Variants in NLGN1 observed in about 807,000 individuals in gnomAD.
NLGN1 encodes the protein neuroligin-1.
A neutral mutation model predicts 65.5 loss-of-function variants in NLGN1; 12 were observed. The observed-to-expected ratio is 0.18, with a 90% CI of 0.12 to 0.30. The LOEUF (loss-of-function observed/expected upper bound fraction) is 0.30. Ranked by LOEUF, NLGN1 falls within the 10% of genes least tolerant of loss-of-function variation. The pLI is 1.00. For synonymous variants in NLGN1, 350 were observed against 359.5 expected, an observed-to-expected ratio of 0.97 and a Z score of 0.30; for missense variants, 750 against 1,007.1, an observed-to-expected ratio of 0.74 and a Z score of 3.46.
In NLGN1 at chr3:174,175,070, T is replaced by C. The variant is rs76518412; in HGVS notation, c.647-100245T>C. Among the ~76,000 whole-genome samples the C allele has an allele frequency of 1.7e-3, 259 of 152,146 alleles. 1 individual carries two copies. Among genetic ancestry groups the C allele is most frequent in the African/African-American group, 6.0e-3 (248 of 41,564 alleles). ...AAAACTTGTTTTGTGACTTAACACATAGTCTATCTTTGGGAATGATCCATG... is the reference window on the plus strand; with the variant it reads ...AAAACTTGTTTTGTGACTTAACACACAGTCTATCTTTGGGAATGATCCATG... On this transcript the variant is annotated intron_variant, in intron 4 of 6. Coordinates refer to ENST00000457714, the Ensembl canonical transcript of NLGN1.
chr3:173,946,667 A>G (rs1747212200), intron 4 of NLGN1, among the ~76,000 whole-genome samples: 1 of 152,286 alleles, frequency 6.6e-6, no homozygotes, highest in African/African-American at 2.4e-5. Flanking sequence ...AAACTGCCCT[A>G]CCGAAAGATT....
intron 3 of NLGN1, among the ~76,000 whole-genome samples, chr3:173,771,745 C>A (rs1177650515): frequency 1.9e-5 from 2 of 107,086 alleles, no homozygotes; most frequent in African/African-American, 6.4e-5. Context: ...AAGTTTATGC[C>A]AACTTTTAAT....
chr3:173,484,773 ACCC>A (rs1727888981), intron 2 of NLGN1, among the ~76,000 whole-genome samples: 1 of 152,146 alleles, frequency 6.6e-6, no homozygotes. Flanking sequence ...AGATGGACAT[ACCC>A]TTTGATCTGT....
At chr3:173,807,971 T>C (rs1560413283) in intron 4 of NLGN1, 139 bp downstream of exon 4, 11 of 760,528 alleles carry the variant, frequency 1.4e-5, no homozygotes, top group African/African-American at 5.3e-5. Flanking sequence ...AAATTTTTTA[T>C]AGTTTCAATG....
chr3:173,802,774 C>T (rs1715719207), intron 3 of NLGN1, among the ~76,000 whole-genome samples: 1 of 152,054 alleles, frequency 6.6e-6, no homozygotes, highest in Non-Finnish European at 1.5e-5. Flanking sequence ...GTCCCAGTCT[C>T]AGCCACTGAA....
At chr3:173,820,995 G>C (rs1158749351) in intron 4 of NLGN1, among the ~76,000 whole-genome samples, 1 of 152,144 alleles carries the variant, frequency 6.6e-6, no homozygotes, top group Non-Finnish European at 1.5e-5. Context: ...CACAAATAGA[G>C]ATTTGGGTGC....
chr3:173,957,568 T>C (rs768051147), intron 4 of NLGN1, among the ~76,000 whole-genome samples: 3 of 152,208 alleles, frequency 2.0e-5, no homozygotes, highest in African/African-American at 4.8e-5. Flanking sequence ...TCCTAAACAA[T>C]AATTTTTAGG....
intron 1 of NLGN1, among the ~76,000 whole-genome samples, chr3:173,408,451 C>T (rs1469399557): frequency 1.3e-5 from 2 of 152,174 alleles, no homozygotes; most frequent in South Asian, 2.1e-4. Context: ...AAAATCAACA[C>T]ATCCCTCCTG....
intron 4 of NLGN1, among the ~76,000 whole-genome samples, chr3:174,057,469 C>A (rs1042921481): frequency 6.6e-6 from 1 of 152,068 alleles, no homozygotes; most frequent in Non-Finnish European, 1.5e-5. Flanking sequence ...AATATAAAAA[C>A]AAAATCTTCC....
intron 4 of NLGN1, among the ~76,000 whole-genome samples, chr3:174,196,690 C>T (rs987446369): frequency 2.0e-5 from 3 of 152,136 alleles, no homozygotes; most frequent in Admixed American, 6.5e-5. Context: ...TTTTCTATAA[C>T]AAGTACTCAT....
chr3:174,003,172 A>G (rs1454453361), intron 4 of NLGN1, among the ~76,000 whole-genome samples: 1 of 152,154 alleles, frequency 6.6e-6, no homozygotes, highest in Non-Finnish European at 1.5e-5. Flanking sequence ...AAAAGGAATA[A>G]TAGTGACATT....
intron 4 of NLGN1, among the ~76,000 whole-genome samples, chr3:174,043,691 C>T (rs1732865275): frequency 6.6e-6 from 1 of 152,224 alleles, no homozygotes; most frequent in Non-Finnish European, 1.5e-5. Context: ...CCCCTCCCAG[C>T]TGCTTTCACA....
chr3:173,979,300 T>A (rs1040330811), intron 4 of NLGN1, among the ~76,000 whole-genome samples: 3 of 151,880 alleles, frequency 2.0e-5, no homozygotes, highest in Non-Finnish European at 4.4e-5. Context: ...CTTTGTTTGA[T>A]GAGAAACACC....
chr3:174,139,326 G>C (rs1234918644), intron 4 of NLGN1, among the ~76,000 whole-genome samples: 1 of 151,968 alleles, frequency 6.6e-6, no homozygotes, highest in East Asian at 1.9e-4. Context: ...TCCGTAGTTT[G>C]GGGATTTTTC....
Position 174,240,249 on chromosome 3 carries a change from T to C in NLGN1, c.647-35066T>C, listed in dbSNP as rs184360939. 2.9e-3 allele frequency among the ~76,000 whole-genome samples: 444 copies of C among 152,122 alleles called. 1 individual carries two copies. The highest frequency in any genetic ancestry group is 0.01 in the African/African-American group (423 of 41,532). On this transcript the variant is annotated intron_variant, in intron 4 of 6. Coordinates refer to ENST00000457714, the Ensembl canonical transcript of NLGN1. ...ATACTTAAAAAGTTCTCTTGTAATA[T>C]AGAAGAAAAAACAAAGTTGAAATGA...
At chr3:173,451,786 C>A (rs1326868144) in intron 2 of NLGN1, among the ~76,000 whole-genome samples, 5 of 152,192 alleles carry the variant, frequency 3.3e-5, no homozygotes, top group Non-Finnish European at 5.9e-5. Context: ...AGCCTCGCTG[C>A]CACCTTGCAG....
rs1327628556 is a variant in NLGN1 at position 173,406,401 on chromosome 3, T to C, written c.-390+7914T>C. The stretch of plus-strand genomic sequence containing the variant: ...AAAATGAAGTTTCCCTTTTTTATTT[T>C]ATCATTACTGAACCATATTTTATGA... On this transcript the variant is annotated intron_variant, in intron 1 of 6. Transcript: ENST00000457714. Among the ~76,000 whole-genome samples, 4 of 151,346 alleles carry C rather than the reference T, an allele frequency of 2.6e-5. No homozygotes were observed. In the East Asian group the frequency reaches 5.8e-4, roughly 22 times the overall value.
At chr3:174,166,607 G>C (rs956579319) in intron 4 of NLGN1, among the ~76,000 whole-genome samples, 1 of 152,044 alleles carries the variant, frequency 6.6e-6, no homozygotes, top group African/African-American at 2.4e-5. Context: ...CAAATATGTA[G>C]TCAATCTTGG....
rs1721177238 is a variant in NLGN1, at chr3:173,450,017, A to G, written c.-321+14939A>G. Reference sequence around the variant, plus strand: ...CAGATGGGTGTTGACTCTTTATCCAATTTGCCAGTCTGTGCCTTTTAATTG... The same window carrying G: ...CAGATGGGTGTTGACTCTTTATCCAGTTTGCCAGTCTGTGCCTTTTAATTG... On this transcript the variant is annotated intron_variant, in intron 2 of 6. Transcript: ENST00000457714. Among the ~76,000 whole-genome samples, 5 of 152,158 alleles carry G rather than the reference A, an allele frequency of 3.3e-5. No homozygotes were observed. In the South Asian group the frequency reaches 8.3e-4, roughly 25 times the overall value.
Sources: gnomAD v4.1 joint callset for allele counts (sites outside exome capture counted in the v4.1 genomes callset) on GRCh38, gnomAD v4.1.1 for gene constraint, MANE v1.5 for transcripts, NCBI Gene and HGNC (gene_info 2026-07-23, HGNC 2026-07-21) for gene names.